The following TMEM26 variants were observed in gnomAD, a reference collection of about 807,000 sequenced individuals.
TMEM26 encodes transmembrane protein 26.
TMEM26 carries 38 observed loss-of-function variants against 28.8 expected under a neutral mutation model. That is an observed-to-expected ratio of 1.32 (90% confidence interval 1.02 to 1.73). The LOEUF (loss-of-function observed/expected upper bound fraction) is 1.73. Among genes scored for constraint, TMEM26 ranks in the 40% most tolerant of loss-of-function variants. TMEM26 has a pLI of 0.00. For synonymous variants in TMEM26, 227 were observed against 182.9 expected, an observed-to-expected ratio of 1.24 and a Z score of -1.95; for missense variants, 518 against 447.1, an observed-to-expected ratio of 1.16 and a Z score of -1.43.
At chr10:61,413,374 T>C in intron 5 of TMEM26, 85 bp downstream of exon 5, 1 of 1,546,722 alleles carries the variant, frequency 6.5e-7, no homozygotes, top group Non-Finnish European at 8.7e-7. Flanking sequence ...ATGATAATCC[T>C]TTCACTTGCC....
At chr10:61,426,677 CA>C (rs1279613200) in intron 4 of TMEM26, among the ~76,000 whole-genome samples, 1 of 152,024 alleles carries the variant, frequency 6.6e-6, no homozygotes, top group African/African-American at 2.4e-5. Context: ...AGTAAAATGT[CA>C]TAATAATAGG....
intron 4 of TMEM26, among the ~76,000 whole-genome samples, chr10:61,419,583 T>C (rs373139218): frequency 2.6e-5 from 4 of 152,130 alleles, no homozygotes; most frequent in South Asian, 2.1e-4. Flanking sequence ...GGATTTGAGA[T>C]GGCAGAAAAA....
chr10:61,436,299 CA>C (rs200827225), intron 1 of TMEM26, 51 bp from the exon 2 acceptor site: 24,377 of 887,692 alleles, frequency 0.027, 2 homozygotes, highest in South Asian at 0.049. Flanking sequence ...GCTAATTTTC[CA>C]AAAAAAAAAA....
chr10:61,442,704 A>G (rs867768849), intron 1 of TMEM26, among the ~76,000 whole-genome samples: 3 of 152,174 alleles, frequency 2.0e-5, no homozygotes, highest in African/African-American at 7.2e-5. Flanking sequence ...AAATCAAAAA[A>G]CCAGGTCATG....
chr10:61,449,772 T>A (rs1840245669), intron 1 of TMEM26, among the ~76,000 whole-genome samples: 1 of 152,192 alleles, frequency 6.6e-6, no homozygotes, highest in South Asian at 2.1e-4. Flanking sequence ...ATTTTCAATA[T>A]GGAAGGTTTT....
chr10:61,425,221 G>C (rs1195507565), intron 4 of TMEM26, among the ~76,000 whole-genome samples: 1 of 152,104 alleles, frequency 6.6e-6, no homozygotes, highest in Non-Finnish European at 1.5e-5. Flanking sequence ...ACTATCACAA[G>C]AGCAGTGCAG....
chr10:61,414,159 G>A, intron 4 of TMEM26: 1 of 672,028 alleles, frequency 1.5e-6, no homozygotes, highest in Non-Finnish European at 1.8e-6. Flanking sequence ...TTTATGGAAG[G>A]AATGGTTAAA....
chr10:61,436,758 G>A (rs1006011541), intron 1 of TMEM26, among the ~76,000 whole-genome samples: 1 of 152,148 alleles, frequency 6.6e-6, no homozygotes, highest in Non-Finnish European at 1.5e-5. Context: ...GTAACCCATT[G>A]GCTTTGTGTG....
intron 4 of TMEM26, chr10:61,415,182 A>G: frequency 1.0e-6 from 1 of 984,592 alleles, no homozygotes; most frequent in Non-Finnish European, 1.2e-6. Flanking sequence ...ATTGGATAGA[A>G]GAAAGAGCAT....
In TMEM26 at chr10:61,427,523, C is replaced by T. The variant is rs563624940; in HGVS notation, c.605+1403G>A. Among the ~76,000 whole-genome samples the T allele has an allele frequency of 2.7e-4, 41 of 152,132 alleles. 1 individual carries two copies. Among genetic ancestry groups the T allele is most frequent in the African/African-American group, 8.7e-4 (36 of 41,530 alleles). On this transcript the variant is annotated intron_variant, in intron 4 of 5. Coordinates refer to ENST00000399298, the MANE Select transcript of TMEM26 (RefSeq NM_178505.8). The stretch of plus-strand genomic sequence containing the variant: ...TGCTGGGCAATTCTACTTTTATTCA[C>T]GAAATTATTTAATATTCAACCTTTA...
In TMEM26 at chr10:61,452,877, C is replaced by A; in HGVS notation, c.191+14G>T. Reference sequence around the variant, plus strand: ...AGGGCCCCGTGCGCCCTCGCTTTCCCGGGGCACTCTCACCATTTGTAGCCT... The same window carrying A: ...AGGGCCCCGTGCGCCCTCGCTTTCCAGGGGCACTCTCACCATTTGTAGCCT... On this transcript the variant is annotated intron_variant, in intron 1 of 5. Transcript: ENST00000399298. 2 of 1,605,144 alleles carry A rather than the reference C, an allele frequency of 1.2e-6. No homozygotes were observed. The highest frequency in any genetic ancestry group is 1.7e-6 in the Non-Finnish European group (2 of 1,172,574).
intron 4 of TMEM26, among the ~76,000 whole-genome samples, chr10:61,422,862 G>T (rs1839771336): frequency 6.6e-6 from 1 of 151,972 alleles, no homozygotes; most frequent in African/African-American, 2.4e-5. Context: ...TAACAGTAGA[G>T]AAAATCAATA....
At chr10:61,412,694 A>C (rs578046111) in intron 5 of TMEM26, among the ~76,000 whole-genome samples, 77 of 152,162 alleles carry the variant, frequency 5.1e-4, no homozygotes, top group Non-Finnish European at 9.1e-4. Context: ...CTGCTGTCCA[A>C]TATGGTAGCC....
Position 61,410,465 on chromosome 10 carries a change from G to T in TMEM26, c.964C>A (p.Leu322Met). 1 of 1,614,094 alleles carries T rather than the reference G, an allele frequency of 6.2e-7. No homozygotes were observed. The highest frequency in any genetic ancestry group is 8.5e-7 in the Non-Finnish European group (1 of 1,180,024). The part of the protein sequence containing the change: ...RASLRSQSEG[L>M]KGEHGCRAQT... ...GCCCGGCAACCATGTTCTCCTTTCAGGCCTTCTGACTGACTTCTCAACGAA... is the reference window on the plus strand; with the variant it reads ...GCCCGGCAACCATGTTCTCCTTTCATGCCTTCTGACTGACTTCTCAACGAA... The change falls in exon 6 of 6, where the codon CTG (leucine) becomes ATG (methionine). Residue 322 changes from leucine to methionine, a missense_variant. Physicochemically the swap from Leu to Met is conservative, Grantham distance 15. Coordinates refer to ENST00000399298, the MANE Select transcript of TMEM26 (RefSeq NM_178505.8).
At chr10:61,433,428 G>C (rs537161464) in intron 2 of TMEM26, among the ~76,000 whole-genome samples, 5 of 152,006 alleles carry the variant, frequency 3.3e-5, no homozygotes, top group Admixed American at 1.3e-4. Context: ...TTAAAAAAAG[G>C]CTGTGTCTTT....
chr10:61,406,953 C>T lies in TMEM26; in HGVS notation c.*3369G>A, dbSNP rs553753892. ...TCAGAATGTCCTCTAAGTAAAAAGC[C>T]AAGTCTGAAATTAGAAAAAAAAAAA... On this transcript the variant is annotated 3_prime_UTR_variant, in exon 6 of 6. Transcript: ENST00000399298. 6.6e-6 allele frequency: 1 copy of T among 151,292 alleles called. No individual in the cohort carries two copies. The highest frequency in any genetic ancestry group is 1.9e-4 in the East Asian group (1 of 5,164). 9.4% of individuals were successfully genotyped at this position (151,292 alleles called of 1,614,324 possible). A position where few individuals can be genotyped will look rare whatever the true frequency, so the allele number is the denominator to read the frequency against.
intron 4 of TMEM26, among the ~76,000 whole-genome samples, chr10:61,420,515 C>T (rs1839727758): frequency 6.6e-6 from 1 of 151,972 alleles, no homozygotes; most frequent in African/African-American, 2.4e-5. Context: ...CAATGAAGGC[C>T]AGTAGACAGT....
At chr10:61,451,185 T>C (rs1027742544) in intron 1 of TMEM26, among the ~76,000 whole-genome samples, 8 of 152,270 alleles carry the variant, frequency 5.3e-5, no homozygotes, top group Middle Eastern at 3.4e-3. Context: ...CAACCATTTT[T>C]CCTCTCTCGG....
At chr10:61,414,490 A>G (rs979544916) in intron 4 of TMEM26, 1 of 152,116 alleles carries the variant, frequency 6.6e-6, no homozygotes, top group Non-Finnish European at 1.5e-5. Context: ...GTGTAGAGGC[A>G]TTAAATACAA....
Sources: allele counts gnomAD v4.1 joint callset (sites outside exome capture counted in the v4.1 genomes callset), GRCh38; gene constraint gnomAD v4.1.1; transcripts MANE v1.5; gene names NCBI Gene and HGNC (gene_info 2026-07-23, HGNC 2026-07-21).